ZIC5: variants seen among roughly 807,000 people sequenced by gnomAD.
ZIC5 encodes the protein Zic family zinc finger 5, also known as zinc finger protein ZIC 5.
A neutral mutation model predicts 28.5 loss-of-function variants in ZIC5; 20 were observed. The ratio of observed to expected loss-of-function variants is 0.70; its 90% CI spans 0.49 to 1.02. ZIC5 has a LOEUF of 1.02. Ranked by LOEUF, ZIC5 falls within the 50% of genes least tolerant of loss-of-function variation. The pLI is 0.00. For synonymous variants in ZIC5, 488 were observed against 410.4 expected (o/e 1.19, Z -2.29); for missense variants, 951 against 899.7 (o/e 1.06, Z -0.73).
In ZIC5 at chr13:99,965,632, C is replaced by A. The variant is rs749568107; in HGVS notation, c.1665G>T (p.Pro555=). The A allele has an allele frequency of 5.6e-6, 9 of 1,614,098 alleles. 1 individual carries two copies. In the East Asian group the frequency reaches 2.0e-4, roughly 36 times the overall value. Reference sequence around the variant, plus strand: ...AACCAAGGGGTCCTGGAGAAGGTGGCGGGGACTTGCAGTGAATCTTCATGT... The same window carrying A: ...AACCAAGGGGTCCTGGAGAAGGTGGAGGGGACTTGCAGTGAATCTTCATGT... ...RKHMKIHCKS[P]PPSPGPLGYS... is the part of the protein sequence containing the mutation. The change falls in exon 2 of 2, where the codon CCG becomes CCT. Residue 555 remains proline (P), a synonymous_variant. Coordinates refer to ENST00000267294, the MANE Select transcript of ZIC5 (RefSeq NM_033132.5).
chr13:99,969,455 T>C (rs914472982), intron 1 of ZIC5, among the ~76,000 whole-genome samples: 1 of 150,022 alleles, frequency 6.7e-6, no homozygotes, highest in African/African-American at 2.4e-5. Context: ...CAGGAGGATA[T>C]GAGTGTGTAA....
chr13:99,971,350 T>C lies in ZIC5; in HGVS notation c.254A>G (p.Gln85Arg). The C allele has an allele frequency of 7.0e-7, 1 of 1,431,076 alleles. No individual in the cohort carries two copies. 88.6% of individuals were successfully genotyped at this position (1,431,076 alleles called of 1,614,324 possible). A position where few individuals can be genotyped will look rare whatever the true frequency, so the allele number is the denominator to read the frequency against. Reference sequence around the variant, plus strand: ...AGCCTCCGGGTGTGCCGGGAACGCCTGGGAGGGAGGGCTGAGGCCCAGCGT... The same window carrying C: ...AGCCTCCGGGTGTGCCGGGAACGCCCGGGAGGGAGGGCTGAGGCCCAGCGT... ...ASTLGLSPPS[Q>R]AFPAHPEAPA... The change falls in exon 1 of 2, where the codon CAG becomes CGG. Residue 85 changes from glutamine (Q) to arginine (R), a missense_variant. By Grantham distance (43) the Gln-to-Arg change is conservative. Around this residue, in one of 3 missense-constraint regions of ZIC5, gnomAD observed 784 missense variants for 660.1 expected, o/e 1.19. Transcript: ENST00000267294.
Position 99,965,231 on chromosome 13 carries a change from G to GTATTTATTCATATT in ZIC5, c.*145_*146insAATATGAATAAATA, listed in dbSNP as rs2053090155. 2 of 577,174 alleles carry GTATTTATTCATATT rather than the reference G, an allele frequency of 3.5e-6. No homozygotes were observed. The highest frequency in any genetic ancestry group is 5.7e-6 in the Non-Finnish European group (2 of 352,466). The allele number at this position is 577,174 out of a possible 1,614,324, so 35.8% of individuals were successfully genotyped here. A position where few individuals can be genotyped will look rare whatever the true frequency, so the allele number is the denominator to read the frequency against. ...ATTAATTAAATGTACAAACACCATA[G>GTATTTATTCATATT]GGTTTCATACTGAATAAATAGGGCT... is the stretch of plus-strand genomic sequence containing the variant. On this transcript the variant is annotated 3_prime_UTR_variant, in exon 2 of 2. Coordinates refer to ENST00000267294, the MANE Select transcript of ZIC5 (RefSeq NM_033132.5).
In ZIC5 at chr13:99,971,134, G is replaced by A. The variant is rs2053153672; in HGVS notation, c.470C>T (p.Thr157Ile). The stretch of plus-strand genomic sequence containing the variant: ...GCTGCTGCCGCCGCCGCCACTGTTG[G>A]TGGTGGTGTAGCCCGAGAGGGCAGG... ...PPPALSGYTT[T>I]NSGGGGSSGK... Residue 157 changes from threonine (T) to isoleucine (I), a missense_variant, in exon 1 of 2, where the codon ACC becomes ATC. Thr to Ile is a moderately conservative substitution (Grantham distance 89). Transcript: ENST00000267294. 2.8e-6 allele frequency: 4 copies of A among 1,433,806 alleles called. No individual in the cohort carries two copies. The highest frequency in any genetic ancestry group is 5.9e-5 in the East Asian group (2 of 33,722). 88.8% of individuals were successfully genotyped at this position (1,433,806 alleles called of 1,614,324 possible).
rs763979830 is a variant in ZIC5, at chr13:99,970,717, G to C, written c.887C>G (p.Ala296Gly). 1.0e-5 allele frequency: 12 copies of C among 1,184,324 alleles called. No individual in the cohort carries two copies. The highest frequency in any genetic ancestry group is 4.6e-5 in the South Asian group (2 of 43,700). The allele number at this position is 1,184,324 out of a possible 1,614,324, so 73.4% of individuals were successfully genotyped here. Residue 296 changes from alanine (A) to glycine (G), a missense_variant, in exon 1 of 2, where the codon GCG (alanine) becomes GGG (glycine). This residue lies in a region of ZIC5 where 784 missense variants were observed against 660.1 expected (regional missense o/e 1.19). Transcript: ENST00000267294. ...DAHYGAVAAAAAAALHGYGAV... is the reference protein window; with the variant it reads ...DAHYGAVAAAGAAALHGYGAV... Reference sequence around the variant, plus strand: ...TCCGTAGCCGTGCAGGGCGGCCGCCGCTGCGGCCGCAACCGCCCCGTAGTG... The same window carrying C: ...TCCGTAGCCGTGCAGGGCGGCCGCCCCTGCGGCCGCAACCGCCCCGTAGTG...
Position 99,971,733 on chromosome 13 carries a change from C to G in ZIC5, c.-130G>C. The G allele has an allele frequency of 1.3e-6, 2 of 1,543,720 alleles. No individual in the cohort carries two copies. Among genetic ancestry groups the G allele is most frequent in the Non-Finnish European group, 1.8e-6 (2 of 1,141,234 alleles). On this transcript the variant is annotated 5_prime_UTR_variant, in exon 1 of 2. Coordinates refer to ENST00000267294, the MANE Select transcript of ZIC5 (RefSeq NM_033132.5). ...CCTGGCCTCTTAACTCTGCTTATTC[C>G]TGTTCCCACTCTATCCTCCAGCGAT...
intron 1 of ZIC5, among the ~76,000 whole-genome samples, chr13:99,969,056 CTAT>C (rs2053124256): frequency 6.6e-6 from 1 of 152,244 alleles, no homozygotes; most frequent in East Asian, 1.9e-4. Flanking sequence ...GTATCTGTCC[CTAT>C]AAATCCCGAC....
chr13:99,970,845 G>C lies in ZIC5; in HGVS notation c.759C>G (p.Leu253=), dbSNP rs1483186764. Residue 253 remains leucine, a synonymous_variant, in exon 1 of 2, where the codon CTC becomes CTG. Coordinates refer to ENST00000267294, the MANE Select transcript of ZIC5 (RefSeq NM_033132.5). ...PGAPGGHPHP[L]NGQMRLGLAA... Reference sequence around the variant, plus strand: ...CCAGCCCCAGGCGCATCTGGCCGTTGAGCGGGTGCGGGTGGCCGCCTGGGG... The same window carrying C: ...CCAGCCCCAGGCGCATCTGGCCGTTCAGCGGGTGCGGGTGGCCGCCTGGGG... The C allele has an allele frequency of 3.2e-6, 4 of 1,249,328 alleles. No homozygotes were observed. The highest frequency in any genetic ancestry group is 4.0e-6 in the Non-Finnish European group (4 of 1,003,806). The allele number at this position is 1,249,328 out of a possible 1,614,324, so 77.4% of individuals were successfully genotyped here.
chr13:99,970,403 CCGGGGG>C lies in ZIC5; in HGVS notation c.1195_1200del (p.Pro399_Pro400del), dbSNP rs746448444. 4 of 1,205,262 alleles carry C rather than the reference CCGGGGG, an allele frequency of 3.3e-6. No individual in the cohort carries two copies. The highest frequency in any genetic ancestry group is 4.1e-6 in the Non-Finnish European group (4 of 968,458). 74.7% of individuals were successfully genotyped at this position (1,205,262 alleles called of 1,614,324 possible). A position where few individuals can be genotyped will look rare whatever the true frequency, so the allele number is the denominator to read the frequency against. On this transcript the variant is annotated inframe_deletion, in exon 1 of 2. Transcript: ENST00000267294. ...TTGGAGCAGGGCTTGGCGCCGCCGG[CCGGGGG>C]CGGTGGCGGCGGCGGCGGCGGCGGC...
chr13:99,965,956 C>T, intron 1 of ZIC5, 137 bp from the exon 2 acceptor site: 1 of 958,938 alleles, frequency 1.0e-6, no homozygotes, highest in East Asian at 2.6e-5. Flanking sequence ...CTTCCTAATT[C>T]ACAAAAGGGA....
In ZIC5 at chr13:99,964,420, G is replaced by A. The variant is rs535672007; in HGVS notation, c.*957C>T. 2.0e-5 allele frequency: 3 copies of A among 151,852 alleles called. No individual in the cohort carries two copies. The highest frequency in any genetic ancestry group is 4.2e-4 in the South Asian group (2 of 4,814). The allele number at this position is 151,852 out of a possible 1,614,324, so 9.4% of individuals were successfully genotyped here. A position where few individuals can be genotyped will look rare whatever the true frequency, so the allele number is the denominator to read the frequency against. On this transcript the variant is annotated 3_prime_UTR_variant, in exon 2 of 2. Transcript: ENST00000267294. ...TTGGCATCCCAAAGAACTTAGGATC[G>A]AAAACAGAATCTCTTTATTACACAA...
intron 1 of ZIC5, among the ~76,000 whole-genome samples, chr13:99,966,579 C>A (rs894566047): frequency 1.3e-5 from 2 of 152,306 alleles, no homozygotes; most frequent in South Asian, 2.1e-4. Flanking sequence ...GCAGATCGAG[C>A]TTTAACATAC....
At position 99,963,717 on chromosome 13, in the gene ZIC5, GTATAA is replaced by G. The variant is rs1357082462; in HGVS notation, c.*1655_*1659del. 1.4e-5 allele frequency: 2 copies of G among 146,824 alleles called. No individual in the cohort carries two copies. The highest frequency in any genetic ancestry group is 3.0e-5 in the Non-Finnish European group (2 of 66,932). 9.1% of individuals were successfully genotyped at this position (146,824 alleles called of 1,614,324 possible). ...ATAAATGACAATCTTTCACCAAAAT[GTATAA>G]TATAATTCTTTGGTGTGCTTTGAAC... On this transcript the variant is annotated 3_prime_UTR_variant, in exon 2 of 2. Transcript: ENST00000267294.
chr13:99,965,500 C>T lies in ZIC5; in HGVS notation c.1797G>A (p.Trp599Ter). ...GGGCCCCACTGGCCTGGCAAACGTA[C>T]CACTCATTGAGGTTGGTCACCTGAG... ...LSPQVTNLNE[W>*]YVCQASGAPS... is the part of the protein sequence containing the mutation. The change falls in exon 2 of 2, where the codon TGG (tryptophan) becomes TGA (stop). Residue 599 changes from tryptophan to a stop codon, truncating the protein, a stop_gained. Transcript: ENST00000267294. LOFTEE classifies it high-confidence loss of function. 1 of 1,613,762 alleles carries T rather than the reference C, an allele frequency of 6.2e-7. No homozygotes were observed. Among genetic ancestry groups the T allele is most frequent in the Non-Finnish European group, 8.5e-7 (1 of 1,179,866 alleles).
chr13:99,970,657 G>A lies in ZIC5; in HGVS notation c.947C>T (p.Ala316Val). 1 of 1,144,566 alleles carries A rather than the reference G, an allele frequency of 8.7e-7. No individual in the cohort carries two copies. The highest frequency in any genetic ancestry group is 1.1e-6 in the Non-Finnish European group (1 of 925,630). The allele number at this position is 1,144,566 out of a possible 1,614,324, so 70.9% of individuals were successfully genotyped here. The change falls in exon 1 of 2, where the codon GCG becomes GTG. Residue 316 changes from alanine (A) to valine (V), a missense_variant. Coordinates refer to ENST00000267294, the MANE Select transcript of ZIC5 (RefSeq NM_033132.5). The stretch of plus-strand genomic sequence containing the variant: ...CCCGGGCCCGGCCGCTGCTGCGGCC[G>A]CCGCAGCCGCCAGGTTCAGGTTTAA... ...VNLNLNLAAAAAAAAAGPGPH... is the reference protein window; with the variant it reads ...VNLNLNLAAAVAAAAAGPGPH...
In ZIC5 at chr13:99,964,263, T is replaced by C. The variant is rs955883542; in HGVS notation, c.*1114A>G. The C allele has an allele frequency of 6.6e-6, 1 of 152,210 alleles. No homozygotes were observed. The highest frequency in any genetic ancestry group is 1.5e-5 in the Non-Finnish European group (1 of 68,036). 9.4% of individuals were successfully genotyped at this position (152,210 alleles called of 1,614,324 possible). On this transcript the variant is annotated 3_prime_UTR_variant, in exon 2 of 2. Transcript: ENST00000267294. ...ATGCATTAAAATGCAGTTTCAGGCA[T>C]TGAAAAATAGACTTTTTAAAAGGCT...
rs755458508 is a variant in ZIC5 at position 99,970,161 on chromosome 13, G to C, written c.1443C>G (p.Ser481=). The C allele has an allele frequency of 9.3e-6, 15 of 1,610,742 alleles. No individual in the cohort carries two copies. In the Admixed American group the frequency reaches 2.2e-4, roughly 23 times the overall value. The change falls in exon 1 of 2, where the codon TCC becomes TCG. Residue 481 remains serine (S), a synonymous_variant. Coordinates refer to ENST00000267294, the MANE Select transcript of ZIC5 (RefSeq NM_033132.5). ...FPGCGKVFAR[S]ENLKIHKRTH... ...TACGCTTGTGGATCTTGAGGTTCTCGGAGCGCGCGAAGACCTTGCCGCAGC... is the reference window on the plus strand; with the variant it reads ...TACGCTTGTGGATCTTGAGGTTCTCCGAGCGCGCGAAGACCTTGCCGCAGC...
At position 99,964,811 on chromosome 13, in the gene ZIC5, T is replaced by G. The variant is rs2053084437; in HGVS notation, c.*566A>C. 6.6e-6 allele frequency: 1 copy of G among 152,068 alleles called. No homozygotes were observed. The highest frequency in any genetic ancestry group is 1.5e-5 in the Non-Finnish European group (1 of 67,958). The allele number at this position is 152,068 out of a possible 1,614,324, so 9.4% of individuals were successfully genotyped here. On this transcript the variant is annotated 3_prime_UTR_variant, in exon 2 of 2. Transcript: ENST00000267294. ...TTTTGGACACAGGTACGGAACAGGA[T>G]CTGTTGGCAATGCAGCAGGTGTGTG...
chr13:99,963,502 T>C lies in ZIC5; in HGVS notation c.*1875A>G, dbSNP rs1026560175. ...ATCTGAAGACAACATTGAAAGGCTT[T>C]CCAAGTGACAGCACCATGCACTGTA... On this transcript the variant is annotated 3_prime_UTR_variant, in exon 2 of 2. Coordinates refer to ENST00000267294, the MANE Select transcript of ZIC5 (RefSeq NM_033132.5). 2 of 152,570 alleles carry C rather than the reference T, an allele frequency of 1.3e-5. No individual in the cohort carries two copies. The highest frequency in any genetic ancestry group is 6.5e-5 in the Admixed American group (1 of 15,280). The allele number at this position is 152,570 out of a possible 1,614,324, so 9.5% of individuals were successfully genotyped here.
Sources: allele counts gnomAD v4.1 joint callset (sites outside exome capture counted in the v4.1 genomes callset), GRCh38; gene constraint gnomAD v4.1.1; regional missense constraint gnomAD v4.1.1; transcripts MANE v1.5; gene names NCBI Gene and HGNC (gene_info 2026-07-23, HGNC 2026-07-21).